Variants in FLI1 observed in about 807,000 individuals in gnomAD.
The protein encoded by FLI1 is Friend leukemia integration 1 transcription factor.
Under a neutral mutation model 53.1 loss-of-function variants are expected in FLI1, and 13 were observed. The ratio of observed to expected loss-of-function variants is 0.24; its 90% CI spans 0.16 to 0.39. FLI1 has a LOEUF of 0.39. Ranked by LOEUF, FLI1 falls within the 10% of genes least tolerant of loss-of-function variation. The pLI, the probability that FLI1 is intolerant of heterozygous loss-of-function variation, is 1.00. For missense variants in FLI1, 424 were observed against 600.5 expected (o/e 0.71, Z 3.07); for synonymous variants, 244 against 236.7 (o/e 1.03, Z -0.28).
In FLI1 at chr11:128,768,277, T is replaced by C. The variant is rs1192930973; in HGVS notation, c.385+5T>C. The C allele has an allele frequency of 1.2e-6, 2 of 1,612,884 alleles. No homozygotes were observed. The highest frequency in any genetic ancestry group is 1.7e-6 in the Non-Finnish European group (2 of 1,179,734). On this transcript the variant is annotated splice_donor_5th_base_variant and intron_variant, in intron 3 of 8. Coordinates refer to ENST00000527786, the MANE Select transcript of FLI1 (RefSeq NM_002017.5). ...GGAGAGTCATCGTCCCCGCAGGTAA[T>C]TCGAGAACCAGGCTGCCTGGGCGCC... is the stretch of plus-strand genomic sequence containing the variant.
chr11:128,737,752 T>A (rs1939966610), intron 1 of FLI1, among the ~76,000 whole-genome samples: 1 of 152,214 alleles, frequency 6.6e-6, no homozygotes, highest in African/African-American at 2.4e-5. Flanking sequence ...GGAAATGTTC[T>A]TTTGGGCTCA....
Position 128,811,074 on chromosome 11 carries a change from T to C in FLI1, c.*86T>C. On this transcript the variant is annotated 3_prime_UTR_variant, in exon 9 of 9. Coordinates refer to ENST00000527786, the MANE Select transcript of FLI1 (RefSeq NM_002017.5). ...GGACTCAACAGGACATATGTGGCCT[T>C]GAAGGGAAGACAAAACTGGATGTTC... 7.9e-7 allele frequency: 1 copy of C among 1,267,234 alleles called. No individual in the cohort carries two copies. The highest frequency in any genetic ancestry group is 1.1e-6 in the Non-Finnish European group (1 of 884,796). 78.5% of individuals were successfully genotyped at this position (1,267,234 alleles called of 1,614,324 possible).
chr11:128,748,701 T>A (rs547786603), intron 1 of FLI1, among the ~76,000 whole-genome samples: 1 of 151,918 alleles, frequency 6.6e-6, no homozygotes, highest in South Asian at 2.1e-4. Flanking sequence ...CAGATTTGGC[T>A]GTGTGCTACG....
chr11:128,702,843 C>A, intron 1 of FLI1, among the ~76,000 whole-genome samples: 3 of 141,728 alleles, frequency 2.1e-5, no homozygotes, highest in Admixed American at 1.5e-4. Context: ...GCCTGGGCAA[C>A]AGGGCGAGAT....
chr11:128,799,167 C>T (rs555638262), intron 5 of FLI1, among the ~76,000 whole-genome samples: 2 of 152,002 alleles, frequency 1.3e-5, no homozygotes, highest in South Asian at 4.2e-4. Context: ...ACCTTGGCCT[C>T]CCAAAGTGCT....
chr11:128,764,599 A>G (rs1941256616), intron 2 of FLI1: 1 of 1,503,692 alleles, frequency 6.7e-7, no homozygotes, highest in Non-Finnish European at 8.9e-7. Context: ...GAATGGCAAA[A>G]CCTCGTCCCG....
rs138118797 is a variant in FLI1 at position 128,744,344 on chromosome 11, G to A, written c.19-13771G>A. Among the ~76,000 whole-genome samples, 865 of 152,316 alleles carry A rather than the reference G, an allele frequency of 5.7e-3. 6 individuals carry two copies. The highest frequency in any genetic ancestry group is 9.1e-3 in the Non-Finnish European group (617 of 68,038). ...TGGAAGGGATCTTACGGATCATGTA[G>A]CTCAGTCCTTTTATGTAGTAGGTAA... On this transcript the variant is annotated intron_variant, in intron 1 of 8. Transcript: ENST00000527786.
rs147249846 is a variant in FLI1, at chr11:128,757,044, TTTTCTTTCTTTCTTTCTTTCTTTC to T, written c.19-1025_19-1002del. Among the ~76,000 whole-genome samples the T allele has an allele frequency of 1.4e-3, 149 of 107,114 alleles. 2 individuals carry two copies. In the South Asian group the frequency reaches 0.018, roughly 13 times the overall value. 70.3% of individuals were successfully genotyped at this position (107,114 alleles called of 152,430 possible). Reference sequence around the variant, plus strand: ...CACATGCCACCATATCTAGCTAATTTTTTCTTTCTTTCTTTCTTTCTTTCTTTCTTTCTTTCTTTCTTTCTTTCT... The same window carrying T: ...CACATGCCACCATATCTAGCTAATTTTTTCTTTCTTTCTTTCTTTCTTTCT... On this transcript the variant is annotated intron_variant, in intron 1 of 8. Transcript: ENST00000527786.
At chr11:128,752,825 G>A (rs905469510) in intron 1 of FLI1, among the ~76,000 whole-genome samples, 3 of 152,122 alleles carry the variant, frequency 2.0e-5, no homozygotes, top group Non-Finnish European at 1.5e-5. Flanking sequence ...TTTCTGTAAC[G>A]ACGACAGAGG....
At chr11:128,710,251 A>C (rs773986170) in intron 1 of FLI1, among the ~76,000 whole-genome samples, 14 of 152,192 alleles carry the variant, frequency 9.2e-5, no homozygotes, top group Admixed American at 6.5e-5. Context: ...AAAAATGAAG[A>C]GATGAAGAAA....
chr11:128,780,412 A>G (rs1006146321), intron 4 of FLI1, among the ~76,000 whole-genome samples: 9 of 152,186 alleles, frequency 5.9e-5, no homozygotes, highest in African/African-American at 2.2e-4. Flanking sequence ...CCTGACCAAC[A>G]TGGAGAAACC....
At chr11:128,755,484 T>C (rs930214765) in intron 1 of FLI1, among the ~76,000 whole-genome samples, 1 of 152,188 alleles carries the variant, frequency 6.6e-6, no homozygotes, top group Non-Finnish European at 1.5e-5. Context: ...CTGCTTCCAG[T>C]GCGGAGCTCA....
intron 1 of FLI1, among the ~76,000 whole-genome samples, chr11:128,736,636 A>C (rs187542899): frequency 6.6e-6 from 1 of 152,324 alleles, no homozygotes; most frequent in Admixed American, 6.5e-5. Context: ...TGGACCAATA[A>C]CTGCATTGTT....
At chr11:128,740,102 A>G (rs890600779) in intron 1 of FLI1, among the ~76,000 whole-genome samples, 1 of 152,214 alleles carries the variant, frequency 6.6e-6, no homozygotes, top group Admixed American at 6.5e-5. Context: ...TAAGCGCAGA[A>G]AGCAATCTCC....
intron 1 of FLI1, among the ~76,000 whole-genome samples, chr11:128,704,426 G>C (rs1306431729): frequency 6.6e-6 from 1 of 152,140 alleles, no homozygotes; most frequent in Admixed American, 6.5e-5. Context: ...AATAGGGCCT[G>C]ACGCCACTCT....
chr11:128,687,565 G>A (rs1295447134), intron 1 of FLI1, among the ~76,000 whole-genome samples: 3 of 151,894 alleles, frequency 2.0e-5, no homozygotes, highest in Non-Finnish European at 4.4e-5. Context: ...TCTCTGCCCC[G>A]CCCTCCCCAT....
chr11:128,695,679 GCTATAAGAGC>G (rs1449532608), intron 1 of FLI1, among the ~76,000 whole-genome samples: 1 of 152,184 alleles, frequency 6.6e-6, no homozygotes, highest in Non-Finnish European at 1.5e-5. Context: ...GTTAAAGGGA[GCTATAAGAGC>G]CTATAAGAGC....
intron 1 of FLI1, among the ~76,000 whole-genome samples, chr11:128,697,377 C>T (rs1264813710): frequency 6.6e-6 from 1 of 152,210 alleles, no homozygotes; most frequent in Non-Finnish European, 1.5e-5. Context: ...AGCCCGGGTT[C>T]ATTCTCAGCT....
intron 5 of FLI1, among the ~76,000 whole-genome samples, chr11:128,790,264 T>C (rs1375683273): frequency 1.3e-5 from 2 of 151,446 alleles, no homozygotes; most frequent in African/African-American, 2.4e-5. Flanking sequence ...TTTTTTTTTT[T>C]TTCCACGAGA....
Sources: gnomAD v4.1 joint callset for allele counts (sites outside exome capture counted in the v4.1 genomes callset) on GRCh38, gnomAD v4.1.1 for gene constraint, MANE v1.5 for transcripts, NCBI Gene and HGNC (gene_info 2026-07-23, HGNC 2026-07-21) for gene names.